The following APP variants were observed in gnomAD, a reference collection of about 807,000 sequenced individuals.
APP encodes amyloid-beta precursor protein.
In APP, 31 loss-of-function variants were observed where a neutral mutation model predicts 101.4. The observed-to-expected ratio is 0.31, with a 90% CI of 0.23 to 0.41. APP has a LOEUF of 0.41. Ranked by LOEUF, APP falls within the 10% of genes least tolerant of loss-of-function variation. APP has a pLI of 1.00. For missense variants in APP, 839 were observed against 1,003.7 expected (o/e 0.84, Z 2.22); for synonymous variants, 366 against 364.4 (o/e 1.00, Z -0.05).
intron 1 of APP, among the ~76,000 whole-genome samples, chr21:26,165,015 A>G (rs553326804): frequency 2.0e-5 from 3 of 152,336 alleles, no homozygotes; most frequent in Admixed American, 6.5e-5. Flanking sequence ...TTTTCAAAAA[A>G]CCAATTGAAA....
At chr21:26,022,983 G>A (rs1350559993) in intron 5 of APP, among the ~76,000 whole-genome samples, 1 of 142,430 alleles carries the variant, frequency 7.0e-6, no homozygotes, top group African/African-American at 2.6e-5. Flanking sequence ...ACTCACACAG[G>A]TGGAAGATGA....
chr21:26,018,330 C>CT (rs1187680629), intron 6 of APP, among the ~76,000 whole-genome samples: 2 of 152,218 alleles, frequency 1.3e-5, no homozygotes, highest in African/African-American at 4.8e-5. Context: ...GTAAGCCTCC[C>CT]TGCAGTATCT....
At chr21:26,002,146 G>C (rs114185438) in intron 6 of APP, among the ~76,000 whole-genome samples, 44 of 152,308 alleles carry the variant, frequency 2.9e-4, no homozygotes, top group African/African-American at 1.1e-3. Flanking sequence ...TGCTTTCGTA[G>C]CCACGTTTCC....
rs989115405 is a variant in APP, at chr21:25,901,621, C to T, written c.1963+3403G>A. 8.9e-4 allele frequency among the ~76,000 whole-genome samples: 135 copies of T among 152,128 alleles called. 1 individual carries two copies. Among genetic ancestry groups the T allele is most frequent in the Non-Finnish European group, 2.5e-4 (17 of 68,020 alleles). On this transcript the variant is annotated intron_variant, in intron 15 of 17. Coordinates refer to ENST00000346798, the MANE Select transcript of APP (RefSeq NM_000484.4). ...AAATATTCATAATAAGGTGATAATGCATGTAATAAAATGTGATGAGTAGTT... is the reference window on the plus strand; with the variant it reads ...AAATATTCATAATAAGGTGATAATGTATGTAATAAAATGTGATGAGTAGTT...
intron 11 of APP, among the ~76,000 whole-genome samples, chr21:25,967,781 G>A (rs1022979386): frequency 2.0e-5 from 3 of 152,162 alleles, no homozygotes; most frequent in South Asian, 2.1e-4. Flanking sequence ...GTTTGAGTAC[G>A]AGCCCTGACA....
rs2040137128 is a variant in APP, at chr21:25,931,336, C to T, written c.1688-19374G>A. ...AAGCTGCCCAGGATCTGTGACTCTT[C>T]TGGCTGCTGTGGTACAAGGGAAGTG... On this transcript the variant is annotated intron_variant, in intron 13 of 17. Coordinates refer to ENST00000346798, the MANE Select transcript of APP (RefSeq NM_000484.4). 3.9e-5 allele frequency among the ~76,000 whole-genome samples: 6 copies of T among 152,148 alleles called. No homozygotes were observed. The South Asian group carries it at 1.2e-3, about 32-fold the overall frequency.
rs886056994 is a variant in APP, at chr21:25,954,635, G to C, written c.1642C>G (p.Leu548Val). 2 of 1,614,170 alleles carry C rather than the reference G, an allele frequency of 1.2e-6. No homozygotes were observed. The highest frequency in any genetic ancestry group is 1.6e-4 in the Middle Eastern group (1 of 6,062). Residue 548 changes from leucine (L) to valine (V), a missense_variant, in exon 13 of 18, where the codon CTC becomes GTC. Physicochemically the swap from Leu to Val is conservative, Grantham distance 32. Transcript: ENST00000346798. ...YERMNQSLSLLYNVPAVAEEI... is the reference protein window; with the variant it reads ...YERMNQSLSLVYNVPAVAEEI... ...TCGGCCACTGCAGGCACGTTGTAGA[G>C]CAGGGAGAGAGACTGATTCATGCGC...
intron 5 of APP, among the ~76,000 whole-genome samples, chr21:26,026,215 A>T (rs2146799509): frequency 6.6e-6 from 1 of 152,350 alleles, no homozygotes; most frequent in South Asian, 2.1e-4. Flanking sequence ...GAACATTCAT[A>T]CCACATTCGC....
chr21:25,889,815 C>A (rs1349597986), intron 17 of APP, among the ~76,000 whole-genome samples: 1 of 151,918 alleles, frequency 6.6e-6, no homozygotes, highest in African/African-American at 2.4e-5. Flanking sequence ...CCACTGCACT[C>A]CAGCCTGGGT....
At chr21:25,908,074 T>C (rs2038880667) in intron 14 of APP, among the ~76,000 whole-genome samples, 1 of 152,248 alleles carries the variant, frequency 6.6e-6, no homozygotes, top group Non-Finnish European at 1.5e-5. Flanking sequence ...CTGCATGCTA[T>C]GCTGCTCTTT....
chr21:26,144,874 G>A (rs530000070), intron 1 of APP, among the ~76,000 whole-genome samples: 3 of 152,318 alleles, frequency 2.0e-5, no homozygotes, highest in East Asian at 1.9e-4. Context: ...AAGCAAATGG[G>A]CCTGAAGTAA....
At chr21:26,056,062 G>A (rs528430653) in intron 3 of APP, among the ~76,000 whole-genome samples, 4 of 152,280 alleles carry the variant, frequency 2.6e-5, no homozygotes, top group African/African-American at 9.6e-5. Context: ...TTTCAGACAA[G>A]GTCTCACTCT....
At chr21:25,934,671 T>C (rs2040290198) in intron 13 of APP, 1 of 152,236 alleles carries the variant, frequency 6.6e-6, no homozygotes, top group African/African-American at 2.4e-5. Context: ...CCTGACCTTG[T>C]GATCCATCTG....
intron 1 of APP, among the ~76,000 whole-genome samples, chr21:26,135,694 G>A (rs957524629): frequency 6.6e-6 from 1 of 152,134 alleles, no homozygotes; most frequent in African/African-American, 2.4e-5. Flanking sequence ...AAAGTTACTG[G>A]AAGGGCATGT....
At chr21:26,157,859 AG>A (rs2063407939) in intron 1 of APP, among the ~76,000 whole-genome samples, 2 of 152,268 alleles carry the variant, frequency 1.3e-5, no homozygotes, top group South Asian at 2.1e-4. Flanking sequence ...CACAGAAAAC[AG>A]GTTCAGCATG....
At chr21:26,145,692 G>A (rs1344644056) in intron 1 of APP, among the ~76,000 whole-genome samples, 1 of 152,150 alleles carries the variant, frequency 6.6e-6, no homozygotes, top group East Asian at 1.9e-4. Flanking sequence ...CCATTCCAAT[G>A]TTCTCATTGC....
intron 15 of APP, among the ~76,000 whole-genome samples, chr21:25,904,067 A>C (rs1217482217): frequency 6.6e-6 from 1 of 152,204 alleles, no homozygotes; most frequent in Non-Finnish European, 1.5e-5. Flanking sequence ...TCTTCAAAGA[A>C]AGTTAATTCC....
At chr21:26,135,331 C>T (rs2062873323) in intron 1 of APP, among the ~76,000 whole-genome samples, 1 of 152,142 alleles carries the variant, frequency 6.6e-6, no homozygotes, top group South Asian at 2.1e-4. Context: ...TGAAAACAGC[C>T]ACATTATATG....
intron 13 of APP, among the ~76,000 whole-genome samples, chr21:25,924,307 C>CAT (rs71183531): frequency 0.5 from 2 of 4 alleles, no homozygotes; most frequent in African/African-American, 0.5. Context: ...GGGTGCAGCG[C>CAT]CAGCATGGCA....
Sources: gnomAD v4.1 joint callset for allele counts (sites outside exome capture counted in the v4.1 genomes callset) on GRCh38, gnomAD v4.1.1 for gene constraint, MANE v1.5 for transcripts, NCBI Gene and HGNC (gene_info 2026-07-23, HGNC 2026-07-21) for gene names.